The following PPM1B variants were observed in gnomAD, a reference collection of about 807,000 sequenced individuals.
PPM1B encodes the protein protein phosphatase, Mg2+/Mn2+ dependent 1B, also known as protein phosphatase 1B.
Under a neutral mutation model 43.0 loss-of-function variants are expected in PPM1B, and 22 were observed. The observed-to-expected ratio is 0.51, with a 90% CI of 0.37 to 0.73. The LOEUF (loss-of-function observed/expected upper bound fraction) is 0.73. Among genes scored for constraint, PPM1B ranks in the 30% least tolerant of loss-of-function variants. The probability of loss-of-function intolerance (pLI) is 0.00; values close to 1 mark genes in which losing one functional copy is unlikely to be tolerated. For missense variants in PPM1B, 632 were observed against 584.2 expected, an observed-to-expected ratio of 1.08 and a Z score of -0.84; for synonymous variants, 217 against 197.9, an observed-to-expected ratio of 1.10 and a Z score of -0.81.
chr2:44,214,579 C>CT lies in PPM1B; in HGVS notation c.965-3387dup, dbSNP rs1669634278. ...ATAAGTGGAATTTATAACTAAGGAG[C>CT]TGAGTGCTTGAAGGGAGTGTCAGTG... On this transcript the variant is annotated intron_variant, in intron 3 of 5. Transcript: ENST00000282412. Among the ~76,000 whole-genome samples the CT allele has an allele frequency of 1.3e-5, 2 of 152,038 alleles. 1 individual carries two copies. Among genetic ancestry groups the CT allele is most frequent in the Non-Finnish European group, 2.9e-5 (2 of 68,020 alleles).
At chr2:44,197,865 A>G (rs963821979) in intron 1 of PPM1B, among the ~76,000 whole-genome samples, 4 of 152,190 alleles carry the variant, frequency 2.6e-5, no homozygotes, top group Admixed American at 2.6e-4. Context: ...GTAGTGCCTG[A>G]CATATAGAAC....
At chr2:44,186,242 G>T (rs1225914533) in intron 1 of PPM1B, among the ~76,000 whole-genome samples, 1 of 152,174 alleles carries the variant, frequency 6.6e-6, no homozygotes, top group Non-Finnish European at 1.5e-5. Context: ...ACATTGTCTA[G>T]GAACAGGCTG....
chr2:44,211,219 A>G (rs1410976409), intron 3 of PPM1B, among the ~76,000 whole-genome samples: 6 of 152,236 alleles, frequency 3.9e-5, no homozygotes, highest in Non-Finnish European at 8.8e-5. Context: ...TAATTATCCC[A>G]GTAATGTCAT....
chr2:44,199,899 C>G (rs6707638), intron 1 of PPM1B, among the ~76,000 whole-genome samples: 31,525 of 151,478 alleles, frequency 0.21, 3,553 homozygotes, highest in African/African-American at 0.3. Context: ...TTTTAAATGG[C>G]GATATGTAAT....
intron 5 of PPM1B, among the ~76,000 whole-genome samples, chr2:44,227,470 A>T (rs1217415791): frequency 6.6e-6 from 1 of 151,788 alleles, no homozygotes; most frequent in Non-Finnish European, 1.5e-5. Flanking sequence ...ATGAACAGAT[A>T]CACAGACGTA....
intron 1 of PPM1B, among the ~76,000 whole-genome samples, chr2:44,197,395 A>T (rs1365996483): frequency 6.6e-6 from 1 of 152,210 alleles, no homozygotes; most frequent in Admixed American, 6.6e-5. Flanking sequence ...TTGAGATTAC[A>T]GGCATGAGCT....
At chr2:44,170,742 A>T (rs557465581) in intron 1 of PPM1B, among the ~76,000 whole-genome samples, 37 of 152,222 alleles carry the variant, frequency 2.4e-4, no homozygotes, top group Non-Finnish European at 4.6e-4. Context: ...TTATTATGAT[A>T]GTCTTTTCCA....
chr2:44,191,981 C>G (rs1193648612), intron 1 of PPM1B, among the ~76,000 whole-genome samples: 2 of 151,864 alleles, frequency 1.3e-5, no homozygotes, highest in East Asian at 3.9e-4. Context: ...CTTGTTCTTT[C>G]TCTAATAGCT....
intron 5 of PPM1B, among the ~76,000 whole-genome samples, chr2:44,228,333 G>A (rs952665177): frequency 7.9e-5 from 12 of 151,772 alleles, no homozygotes; most frequent in South Asian, 2.1e-4. Context: ...GACTATGGGC[G>A]TGTTCCTTTT....
At chr2:44,226,077 G>A (rs772907252) in intron 5 of PPM1B, among the ~76,000 whole-genome samples, 2 of 150,586 alleles carry the variant, frequency 1.3e-5, no homozygotes, top group Non-Finnish European at 2.9e-5. Context: ...CCAGGTTCAC[G>A]CCATTCTCCT....
intron 5 of PPM1B, among the ~76,000 whole-genome samples, chr2:44,226,366 G>A (rs545987460): frequency 3.3e-5 from 5 of 152,288 alleles, no homozygotes; most frequent in Admixed American, 2.0e-4. Context: ...GTAAGTGTCA[G>A]TTGGAAAGCG....
chr2:44,170,826 A>G (rs1204348217), intron 1 of PPM1B, among the ~76,000 whole-genome samples: 1 of 152,232 alleles, frequency 6.6e-6, no homozygotes, highest in Non-Finnish European at 1.5e-5. Context: ...AGGTCTGCCA[A>G]ATGGACAGTG....
intron 2 of PPM1B, among the ~76,000 whole-genome samples, chr2:44,206,668 G>A (rs1455922289): frequency 6.6e-6 from 1 of 152,152 alleles, no homozygotes; most frequent in Non-Finnish European, 1.5e-5. Context: ...AAAAGTGTAA[G>A]GTGTTAATTC....
At chr2:44,232,836 G>C, downstream of PPM1B, 1 of 972,026 alleles carries the variant, frequency 1.0e-6, no homozygotes, top group Non-Finnish European at 1.2e-6. Context: ...ATTTCTATAG[G>C]ATATGTATTT....
chr2:44,177,547 T>C (rs1325935523), intron 1 of PPM1B, among the ~76,000 whole-genome samples: 1 of 151,074 alleles, frequency 6.6e-6, no homozygotes, highest in Non-Finnish European at 1.5e-5. Context: ...GCCTCGTGAG[T>C]AGCTGAGATT....
intron 1 of PPM1B, among the ~76,000 whole-genome samples, chr2:44,170,869 TTTAGAACAGAATA>T (rs1667304336): frequency 6.6e-6 from 1 of 152,234 alleles, no homozygotes; most frequent in Non-Finnish European, 1.5e-5. Flanking sequence ...AAATTAAGTA[TTTAGAACAGAATA>T]TTTTAGTCCA....
At chr2:44,181,024 A>G (rs1667848182) in intron 1 of PPM1B, among the ~76,000 whole-genome samples, 1 of 152,038 alleles carries the variant, frequency 6.6e-6, no homozygotes. Context: ...AGCTCACTGC[A>G]GCCTCGATCT....
chr2:44,218,664 T>C, intron 5 of PPM1B, 127 bp downstream of exon 5: 1 of 664,398 alleles, frequency 1.5e-6, no homozygotes, highest in South Asian at 2.1e-5. Context: ...CTGCTTTTCA[T>C]TTTAAAGTGT....
At chr2:44,185,410 T>C (rs1379189965) in intron 1 of PPM1B, among the ~76,000 whole-genome samples, 2 of 152,226 alleles carry the variant, frequency 1.3e-5, no homozygotes, top group African/African-American at 4.8e-5. Context: ...GAGCACACTG[T>C]ATGTATTCAG....
Sources: allele counts gnomAD v4.1 joint callset (sites outside exome capture counted in the v4.1 genomes callset), GRCh38; gene constraint gnomAD v4.1.1; transcripts MANE v1.5; gene names NCBI Gene and HGNC (gene_info 2026-07-23, HGNC 2026-07-21).